The following RUNDC3B variants were observed in gnomAD, a reference collection of about 807,000 sequenced individuals.
RUNDC3B encodes RUN domain containing 3B, also known as RUN domain-containing protein 3B.
In RUNDC3B, 33 loss-of-function variants were observed where a neutral mutation model predicts 58.4. That is an observed-to-expected ratio of 0.56 (90% CI 0.43 to 0.75). The LOEUF is 0.75. Ranked by LOEUF, RUNDC3B falls within the 30% of genes least tolerant of loss-of-function variation. RUNDC3B has a pLI of 0.00. For synonymous variants in RUNDC3B, 193 were observed against 195.2 expected (o/e 0.99, Z 0.10); for missense variants, 501 against 535.7 (o/e 0.94, Z 0.64).
chr7:87,754,521 A>G (rs1377250935), intron 6 of RUNDC3B, among the ~76,000 whole-genome samples: 2 of 152,186 alleles, frequency 1.3e-5, no homozygotes, highest in African/African-American at 2.4e-5. Flanking sequence ...TAATATCACA[A>G]TGGAAAGAAT....
intron 8 of RUNDC3B, among the ~76,000 whole-genome samples, chr7:87,805,913 A>G (rs1836410256): frequency 1.3e-5 from 2 of 152,158 alleles, no homozygotes; most frequent in African/African-American, 4.8e-5. Flanking sequence ...AATAATTCCT[A>G]TTTTTGTTTT....
intron 4 of RUNDC3B, among the ~76,000 whole-genome samples, chr7:87,734,580 C>G (rs1217245770): frequency 1.3e-5 from 2 of 152,162 alleles, no homozygotes; most frequent in Non-Finnish European, 2.9e-5. Flanking sequence ...TAATTCCCCT[C>G]TACCAATGCT....
At chr7:87,786,492 C>A (rs190471687) in intron 8 of RUNDC3B, among the ~76,000 whole-genome samples, 10 of 151,674 alleles carry the variant, frequency 6.6e-5, no homozygotes, top group Non-Finnish European at 8.8e-5. Context: ...TAACACCTTT[C>A]TTAACCCCTT....
intron 10 of RUNDC3B, among the ~76,000 whole-genome samples, chr7:87,820,838 GC>G (rs1563232177): frequency 1.3e-5 from 2 of 150,900 alleles, no homozygotes; most frequent in Non-Finnish European, 1.5e-5. Flanking sequence ...AAATTCAACA[GC>G]CCTTCATGCT....
intron 7 of RUNDC3B, among the ~76,000 whole-genome samples, chr7:87,775,820 C>T (rs1834589880): frequency 6.6e-6 from 1 of 152,132 alleles, no homozygotes; most frequent in East Asian, 1.9e-4. Flanking sequence ...TAGGCTATAC[C>T]ATCTAGCCTA....
chr7:87,653,529 T>G (rs933650529), intron 2 of RUNDC3B, among the ~76,000 whole-genome samples: 1 of 152,118 alleles, frequency 6.6e-6, no homozygotes, highest in Non-Finnish European at 1.5e-5. Flanking sequence ...GTCTTTGCCT[T>G]AACACTTCTG....
intron 4 of RUNDC3B, among the ~76,000 whole-genome samples, chr7:87,739,389 T>G (rs1399770010): frequency 9.2e-5 from 14 of 152,054 alleles, no homozygotes; most frequent in Admixed American, 9.2e-4. Flanking sequence ...TTATTAGAAC[T>G]CAAGTCTACT....
intron 9 of RUNDC3B, among the ~76,000 whole-genome samples, chr7:87,811,340 T>C (rs1426988860): frequency 1.1e-5 from 1 of 89,842 alleles, no homozygotes; most frequent in Non-Finnish European, 2.3e-5. Flanking sequence ...AGGCTTTTAA[T>C]TTTTTTTTTT....
intron 4 of RUNDC3B, among the ~76,000 whole-genome samples, chr7:87,714,507 T>G (rs1446164574): frequency 6.6e-6 from 1 of 152,150 alleles, no homozygotes; most frequent in East Asian, 1.9e-4. Flanking sequence ...TACAATATAG[T>G]GTGTGTGTTA....
intron 6 of RUNDC3B, among the ~76,000 whole-genome samples, chr7:87,755,032 T>C (rs1833286649): frequency 6.6e-6 from 1 of 151,642 alleles, no homozygotes; most frequent in Non-Finnish European, 1.5e-5. Context: ...AATTTCTTTT[T>C]TTTTTTTTGA....
In RUNDC3B at chr7:87,681,188, A is replaced by G. The variant is rs537437354; in HGVS notation, c.239-19233A>G. 5.3e-5 allele frequency among the ~76,000 whole-genome samples: 8 copies of G among 150,644 alleles called. 1 individual carries two copies. Among genetic ancestry groups the G allele is most frequent in the Admixed American group, 3.3e-4 (5 of 15,092 alleles). ...TATCTATTAAAGAAGTTGAATCAGTATTTAAAACCTTCCAACAATGAAAAC... is the reference window on the plus strand; with the variant it reads ...TATCTATTAAAGAAGTTGAATCAGTGTTTAAAACCTTCCAACAATGAAAAC... On this transcript the variant is annotated intron_variant, in intron 2 of 10. Coordinates refer to ENST00000394654, the MANE Select transcript of RUNDC3B (RefSeq NM_001134405.2).
Position 87,730,851 on chromosome 7 carries a change from G to A in RUNDC3B, c.459-8940G>A, listed in dbSNP as rs11767354. ...TGTGTCACCCATACCCCAGGTCCAG[G>A]CAGCTCAGCACAGAGAGACAGACAC... On this transcript the variant is annotated intron_variant, in intron 4 of 10. Coordinates refer to ENST00000394654, the MANE Select transcript of RUNDC3B (RefSeq NM_001134405.2). Among the ~76,000 whole-genome samples, 463 of 152,122 alleles carry A rather than the reference G, an allele frequency of 3.0e-3. 2 individuals are homozygous for A. Among genetic ancestry groups the A allele is most frequent in the Middle Eastern group, 0.014 (4 of 294 alleles).
intron 1 of RUNDC3B, among the ~76,000 whole-genome samples, chr7:87,641,968 AAATC>A (rs1244363696): frequency 2.0e-5 from 3 of 152,146 alleles, no homozygotes; most frequent in South Asian, 2.1e-4. Flanking sequence ...AAATTTTCAT[AAATC>A]AATCACAAAA....
intron 8 of RUNDC3B, among the ~76,000 whole-genome samples, chr7:87,781,543 G>T (rs1193339190): frequency 2.0e-5 from 3 of 151,994 alleles, no homozygotes; most frequent in African/African-American, 7.2e-5. Flanking sequence ...GGCCAGAGTG[G>T]GTGTCCTTGT....
At chr7:87,693,308 A>G (rs1828182222) in intron 2 of RUNDC3B, among the ~76,000 whole-genome samples, 1 of 152,224 alleles carries the variant, frequency 6.6e-6, no homozygotes, top group Admixed American at 6.5e-5. Flanking sequence ...AAACTGACCA[A>G]CATTTTATAT....
Position 87,798,851 on chromosome 7 carries a change from A to G in RUNDC3B, c.957-8522A>G, listed in dbSNP as rs571597083. Among the ~76,000 whole-genome samples the G allele has an allele frequency of 5.3e-5, 8 of 152,324 alleles. No homozygotes were observed. In the South Asian group the frequency reaches 1.7e-3, roughly 32 times the overall value. ...GAATATTTCATTGGTAAATAGGTAA[A>G]TAGCATAATTTTTGGACATCTGTCT... is the stretch of plus-strand genomic sequence containing the variant. On this transcript the variant is annotated intron_variant, in intron 8 of 10. Coordinates refer to ENST00000394654, the MANE Select transcript of RUNDC3B (RefSeq NM_001134405.2).
chr7:87,656,431 G>A (rs568961803), intron 2 of RUNDC3B, among the ~76,000 whole-genome samples: 7 of 152,046 alleles, frequency 4.6e-5, no homozygotes, highest in Non-Finnish European at 1.0e-4. Flanking sequence ...GGACTGGAAC[G>A]ATGCAGAGAT....
chr7:87,725,164 A>G (rs1563164559), intron 4 of RUNDC3B, among the ~76,000 whole-genome samples: 3 of 152,174 alleles, frequency 2.0e-5, no homozygotes, highest in Admixed American at 6.6e-5. Context: ...ATATGTATAC[A>G]TGTGGCATGT....
intron 10 of RUNDC3B, among the ~76,000 whole-genome samples, chr7:87,822,257 C>T (rs1270555825): frequency 6.6e-6 from 1 of 152,172 alleles, no homozygotes; most frequent in African/African-American, 2.4e-5. Context: ...CAAAAGAAGA[C>T]ATTTATGCAG....
Sources: gnomAD v4.1 joint callset for allele counts (sites outside exome capture counted in the v4.1 genomes callset) on GRCh38, gnomAD v4.1.1 for gene constraint, MANE v1.5 for transcripts, NCBI Gene and HGNC (gene_info 2026-07-23, HGNC 2026-07-21) for gene names.